Variants in DIXDC1 observed in about 807,000 individuals in gnomAD.
DIXDC1 encodes the protein DIX domain containing 1, also known as dixin.
In DIXDC1, 64 loss-of-function variants were observed where a neutral mutation model predicts 103.1. The observed-to-expected ratio is 0.62, with a 90% CI of 0.51 to 0.76. The LOEUF (loss-of-function observed/expected upper bound fraction) is 0.76. Among genes scored for constraint, DIXDC1 ranks in the 30% least tolerant of loss-of-function variants. The pLI is 0.00. For synonymous variants in DIXDC1, 266 were observed against 298.5 expected, an observed-to-expected ratio of 0.89 and a Z score of 1.12; for missense variants, 759 against 834.2, an observed-to-expected ratio of 0.91 and a Z score of 1.11.
At chr11:111,990,490 C>T (rs603276) in intron 10 of DIXDC1, among the ~76,000 whole-genome samples, 7,656 of 152,204 alleles carry the variant, frequency 0.05, 651 homozygotes, top group African/African-American at 0.17. Context: ...AAACTTGACA[C>T]CTTGCTTTTT....
chr11:111,996,326 C>A, intron 17 of DIXDC1, 180 bp downstream of exon 17: 1 of 517,494 alleles, frequency 1.9e-6, no homozygotes, highest in Non-Finnish European at 3.3e-6. Flanking sequence ...TATGCCATCA[C>A]CACCCCCAGT....
At chr11:111,971,978 G>A (rs1859951397) in intron 3 of DIXDC1, among the ~76,000 whole-genome samples, 1 of 152,214 alleles carries the variant, frequency 6.6e-6, no homozygotes, top group South Asian at 2.1e-4. Flanking sequence ...AGAGGAGGGA[G>A]GGAAGGAGGG....
rs782628423 is a variant in DIXDC1 at position 111,974,086 on chromosome 11, A to C, written c.380A>C (p.Lys127Thr). The change falls in exon 4 of 20, where the codon AAA becomes ACA. Residue 127 changes from lysine (K) to threonine (T), a missense_variant. Lys to Thr is a moderately conservative substitution (Grantham distance 78). Coordinates refer to ENST00000440460, the MANE Select transcript of DIXDC1 (RefSeq NM_001037954.4). Reference protein sequence around the residue: ...RLVLALAAHFKPGSSRTVNQG... With the variant: ...RLVLALAAHFTPGSSRTVNQG... ...GTCCTTGCCTTGGCAGCTCATTTCA[A>C]ACCTGGCTCCAGCAGGACGGTGAAC... The C allele has an allele frequency of 2.5e-6, 4 of 1,613,996 alleles. No homozygotes were observed. Among genetic ancestry groups the C allele is most frequent in the African/African-American group, 2.7e-5 (2 of 75,038 alleles).
chr11:111,963,886 T>C (rs1167578985), intron 1 of DIXDC1, among the ~76,000 whole-genome samples: 1 of 152,222 alleles, frequency 6.6e-6, no homozygotes, highest in Non-Finnish European at 1.5e-5. Flanking sequence ...GCCTTTCTTT[T>C]TCCTTCTTTG....
At chr11:111,969,979 T>C (rs1859861544) in intron 3 of DIXDC1, among the ~76,000 whole-genome samples, 2 of 152,232 alleles carry the variant, frequency 1.3e-5, no homozygotes. Flanking sequence ...CAAAAGCCTC[T>C]GTCAAAAGGC....
chr11:111,943,709 C>T (rs1478906179), intron 1 of DIXDC1, among the ~76,000 whole-genome samples: 3 of 151,756 alleles, frequency 2.0e-5, no homozygotes, highest in African/African-American at 7.3e-5. Context: ...ACCGTGTTAT[C>T]CAGGATGGTC....
chr11:111,968,920 A>T (rs1338125824), intron 3 of DIXDC1, among the ~76,000 whole-genome samples: 5 of 151,866 alleles, frequency 3.3e-5, no homozygotes, highest in African/African-American at 1.2e-4. Context: ...GATTACAGGC[A>T]TGTGCCACCA....
intron 17 of DIXDC1, among the ~76,000 whole-genome samples, chr11:112,009,304 G>A (rs1861338958): frequency 6.6e-6 from 1 of 152,156 alleles, no homozygotes; most frequent in Non-Finnish European, 1.5e-5. Flanking sequence ...CTGAAATTGA[G>A]GCAATAATTA....
chr11:111,944,523 G>A (rs1024787870), intron 1 of DIXDC1, among the ~76,000 whole-genome samples: 4 of 152,224 alleles, frequency 2.6e-5, no homozygotes, highest in African/African-American at 9.6e-5. Context: ...AAAACAGGAA[G>A]AAGGTTACAT....
intron 1 of DIXDC1, among the ~76,000 whole-genome samples, chr11:111,949,373 T>C: frequency 6.6e-6 from 1 of 152,210 alleles, no homozygotes; most frequent in Non-Finnish European, 1.5e-5. Flanking sequence ...TCCATCCCAG[T>C]TAAAGCATCA....
chr11:111,986,169 A>T (rs1351960202), intron 8 of DIXDC1, among the ~76,000 whole-genome samples: 1 of 152,180 alleles, frequency 6.6e-6, no homozygotes, highest in East Asian at 1.9e-4. Flanking sequence ...TTTTTGTAAA[A>T]CAGCAAGAAT....
At chr11:111,944,454 G>C (rs1027471190) in intron 1 of DIXDC1, among the ~76,000 whole-genome samples, 6 of 152,222 alleles carry the variant, frequency 3.9e-5, no homozygotes, top group Admixed American at 3.9e-4. Flanking sequence ...TCTTGGAGGA[G>C]ATAGAGAACT....
intron 2 of DIXDC1, among the ~76,000 whole-genome samples, chr11:111,930,151 A>G (rs1555167528): frequency 6.6e-6 from 1 of 152,234 alleles, no homozygotes. Flanking sequence ...GCAATTAATC[A>G]GAATGTATGC....
chr11:111,936,974 C>T (rs1383096137), upstream of DIXDC1, among the ~76,000 whole-genome samples: 2 of 150,628 alleles, frequency 1.3e-5, no homozygotes, highest in Non-Finnish European at 3.0e-5. Context: ...AGCCGGGCCG[C>T]CTGTTTGTCA....
At chr11:111,978,016 T>TG (rs1555172873) in intron 5 of DIXDC1, among the ~76,000 whole-genome samples, 1 of 151,898 alleles carries the variant, frequency 6.6e-6, no homozygotes, top group African/African-American at 2.4e-5. Flanking sequence ...GGGTCTTTGG[T>TG]GGGGGAGGGC....
chr11:111,990,547 T>TAA (rs1180272001), intron 10 of DIXDC1, among the ~76,000 whole-genome samples: 2 of 152,244 alleles, frequency 1.3e-5, no homozygotes, highest in African/African-American at 2.4e-5. Flanking sequence ...CAGTAGTACA[T>TAA]AAAGACTTTC....
intron 2 of DIXDC1, among the ~76,000 whole-genome samples, chr11:111,965,586 G>A (rs1346193095): frequency 6.6e-6 from 1 of 152,102 alleles, no homozygotes; most frequent in Non-Finnish European, 1.5e-5. Flanking sequence ...CTGTAATGAT[G>A]GTAATAATGG....
intron 3 of DIXDC1, among the ~76,000 whole-genome samples, chr11:111,969,090 T>C (rs1859826050): frequency 6.6e-6 from 1 of 151,692 alleles, no homozygotes; most frequent in African/African-American, 2.4e-5. Context: ...TTCATTTTAA[T>C]TGAATACAGA....
intron 1 of DIXDC1, among the ~76,000 whole-genome samples, chr11:111,951,344 A>G (rs1038148473): frequency 1.3e-5 from 2 of 152,210 alleles, no homozygotes; most frequent in East Asian, 3.8e-4. Flanking sequence ...TCAGATGGAC[A>G]CAATGTTGTG....
Sources: allele counts gnomAD v4.1 joint callset (sites outside exome capture counted in the v4.1 genomes callset), GRCh38; gene constraint gnomAD v4.1.1; transcripts MANE v1.5; gene names NCBI Gene and HGNC (gene_info 2026-07-23, HGNC 2026-07-21).